The following NOX3 variants were observed in gnomAD, a reference collection of about 807,000 sequenced individuals.
NOX3 encodes the protein NADPH oxidase catalytic subunit-like 3.
In NOX3, 74 loss-of-function variants were observed where a neutral mutation model predicts 76.7. That is an observed-to-expected ratio of 0.96 (90% confidence interval 0.80 to 1.17). NOX3 has a LOEUF of 1.17. Ranked by LOEUF, NOX3 falls within the 50% of genes most tolerant of loss-of-function variation. NOX3 has a pLI of 0.00. For synonymous variants in NOX3, 263 were observed against 261.1 expected, an observed-to-expected ratio of 1.01 and a Z score of -0.07; for missense variants, 695 against 703.3, an observed-to-expected ratio of 0.99 and a Z score of 0.13.
At chr6:155,404,254 C>T (rs1050122607) in intron 12 of NOX3, among the ~76,000 whole-genome samples, 1 of 152,054 alleles carries the variant, frequency 6.6e-6, no homozygotes, top group Non-Finnish European at 1.5e-5. Flanking sequence ...ATGATCTCGT[C>T]TCTCCTCTGG....
intron 3 of NOX3, 102 bp from the exon 4 acceptor site, chr6:155,453,590 T>A (rs1424920173): frequency 1.1e-6 from 1 of 895,644 alleles, no homozygotes; most frequent in Non-Finnish European, 1.9e-6. Flanking sequence ...TCTAAACTGC[T>A]TAAAGTGGGG....
In NOX3 at chr6:155,440,088, A is replaced by C; in HGVS notation, c.536T>G (p.Val179Gly). Residue 179 changes from valine to glycine, a missense_variant, in exon 6 of 14, where the codon GTG (valine) becomes GGG (glycine). Coordinates refer to ENST00000159060, the MANE Select transcript of NOX3 (RefSeq NM_015718.3). ...LRTIAGVTGL[V>G]ISLALVLIMT... ...GATCAAGACTAAAGCCAGAGAGATC[A>C]CCAGACCGGTGACGCCTGCTATTGT... The C allele has an allele frequency of 6.2e-7, 1 of 1,613,868 alleles. No individual in the cohort carries two copies. The highest frequency in any genetic ancestry group is 8.5e-7 in the Non-Finnish European group (1 of 1,179,876).
At chr6:155,426,811 CTTCT>C (rs1178171542) in intron 9 of NOX3, among the ~76,000 whole-genome samples, 2 of 152,036 alleles carry the variant, frequency 1.3e-5, no homozygotes, top group Non-Finnish European at 2.9e-5. Context: ...GTACTGAGTT[CTTCT>C]TGGGGGACTG....
In NOX3 at chr6:155,411,261, G is replaced by A. The variant is rs1162275342; in HGVS notation, c.1408C>T (p.His470Tyr). 4.3e-6 allele frequency: 7 copies of A among 1,613,886 alleles called. No individual in the cohort carries two copies. The highest frequency in any genetic ancestry group is 4.2e-6 in the Non-Finnish European group (5 of 1,179,942). The change falls in exon 11 of 14, where the codon CAC becomes TAC. Residue 470 changes from histidine (H) to tyrosine (Y), a missense_variant. His to Tyr is a moderately conservative substitution (Grantham distance 83). Transcript: ENST00000159060. ...AGAAATATATGATAACTCAGAAAGTGAGTTTTCCCCTGCTCACTCATCCGT... is the reference window on the plus strand; with the variant it reads ...AGAAATATATGATAACTCAGAAAGTAAGTTTTCCCCTGCTCACTCATCCGT... Reference protein sequence around the residue: ...ETRMSEQGKTHFLSYHIFLTG... With the variant: ...ETRMSEQGKTYFLSYHIFLTG...
chr6:155,429,788 A>C (rs1308859821), intron 8 of NOX3, among the ~76,000 whole-genome samples: 2 of 152,228 alleles, frequency 1.3e-5, no homozygotes, highest in Non-Finnish European at 1.5e-5. Flanking sequence ...AAGGGAACAA[A>C]ATCTAGCATC....
chr6:155,442,914 G>T (rs1038990360), intron 5 of NOX3, among the ~76,000 whole-genome samples: 1 of 152,100 alleles, frequency 6.6e-6, no homozygotes, highest in Non-Finnish European at 1.5e-5. Context: ...TGTTTAGCTG[G>T]CACTTCACCT....
At chr6:155,453,200 A>G (rs7753401) in intron 4 of NOX3, among the ~76,000 whole-genome samples, 4,470 of 152,210 alleles carry the variant, frequency 0.029, 208 homozygotes, top group African/African-American at 0.1. Context: ...TCTTTGACCA[A>G]TTGAGGTCTT....
intron 10 of NOX3, among the ~76,000 whole-genome samples, chr6:155,418,574 C>T (rs1375890870): frequency 1.3e-5 from 2 of 150,480 alleles, no homozygotes; most frequent in Non-Finnish European, 3.0e-5. Context: ...TCTTCCCCCT[C>T]CCCTTCCACT....
chr6:155,407,679 C>T (rs1198236297), intron 11 of NOX3, among the ~76,000 whole-genome samples: 1 of 152,162 alleles, frequency 6.6e-6, no homozygotes, highest in Non-Finnish European at 1.5e-5. Flanking sequence ...AAGGGCATTG[C>T]CAGATTAAAG....
chr6:155,407,245 T>G lies in NOX3; in HGVS notation c.1465A>C (p.Ile489Leu), dbSNP rs916081607. 2.5e-6 allele frequency: 4 copies of G among 1,613,422 alleles called. No individual in the cohort carries two copies. The highest frequency in any genetic ancestry group is 3.4e-6 in the Non-Finnish European group (4 of 1,179,748). Residue 489 changes from isoleucine to leucine, a missense_variant, in exon 12 of 14, where the codon ATA (isoleucine) becomes CTA (leucine). Transcript: ENST00000159060. The stretch of plus-strand genomic sequence containing the variant: ...GTATTTTCGTCCCAGTGTAAAGCTA[T>G]GTGAAGAGCCTAAAGTAAATTTGTG... ...TGWDENQALH[I>L]ALHWDENTDV...
rs757824228 is a variant in NOX3, at chr6:155,443,267, A to G, written c.486+6T>C. 6.2e-7 allele frequency: 1 copy of G among 1,610,894 alleles called. No homozygotes were observed. The highest frequency in any genetic ancestry group is 1.1e-5 in the South Asian group (1 of 90,702). On this transcript the variant is annotated splice_donor_region_variant and intron_variant, in intron 5 of 13. Transcript: ENST00000159060. ...GGGAGAAGCTTGTTAGCATGCAGGAACTCACTGTGGGGAAGGTCCGGACAG... is the reference window on the plus strand; with the variant it reads ...GGGAGAAGCTTGTTAGCATGCAGGAGCTCACTGTGGGGAAGGTCCGGACAG...
intron 9 of NOX3, among the ~76,000 whole-genome samples, chr6:155,424,314 A>T (rs1776729181): frequency 6.6e-6 from 1 of 152,180 alleles, no homozygotes; most frequent in Non-Finnish European, 1.5e-5. Context: ...GTCTTTGCTC[A>T]CTGCTGTAAT....
intron 6 of NOX3, 36 bp downstream of exon 6, chr6:155,439,920 A>T: frequency 1.3e-6 from 2 of 1,574,538 alleles, no homozygotes; most frequent in Non-Finnish European, 1.7e-6. Flanking sequence ...ACTCTCAGAG[A>T]TAAAATCCTT....
chr6:155,427,354 G>C (rs1173859969), intron 9 of NOX3, among the ~76,000 whole-genome samples: 1 of 152,102 alleles, frequency 6.6e-6, no homozygotes, highest in Non-Finnish European at 1.5e-5. Context: ...ACAATAAGCT[G>C]ACTACATTTT....
intron 6 of NOX3, among the ~76,000 whole-genome samples, chr6:155,439,504 G>T (rs951350297): frequency 6.6e-6 from 1 of 152,186 alleles, no homozygotes; most frequent in Non-Finnish European, 1.5e-5. Context: ...TGTCAGAGCT[G>T]CTTCTGGACC....
At chr6:155,413,994 C>T (rs1383275914) in intron 10 of NOX3, among the ~76,000 whole-genome samples, 1 of 152,198 alleles carries the variant, frequency 6.6e-6, no homozygotes, top group Non-Finnish European at 1.5e-5. Flanking sequence ...TCCTTCCTTA[C>T]TTTCTCGTGG....
chr6:155,404,681 G>A (rs1776422416), intron 12 of NOX3, among the ~76,000 whole-genome samples: 1 of 152,126 alleles, frequency 6.6e-6, no homozygotes. Context: ...GCTGAATGTG[G>A]GTCAGGAGTA....
At chr6:155,426,826 G>A (rs1469019065) in intron 9 of NOX3, among the ~76,000 whole-genome samples, 1 of 152,126 alleles carries the variant, frequency 6.6e-6, no homozygotes, top group Admixed American at 6.5e-5. Context: ...TGGGGGACTG[G>A]TTGAAATGCT....
intron 13 of NOX3, 136 bp downstream of exon 13, chr6:155,396,673 T>C (rs1356163238): frequency 3.6e-6 from 2 of 550,516 alleles, no homozygotes; most frequent in Non-Finnish European, 6.1e-6. Context: ...TTTGTGGCAA[T>C]GTTGGCACTT....
Sources: allele counts gnomAD v4.1 joint callset (sites outside exome capture counted in the v4.1 genomes callset), GRCh38; gene constraint gnomAD v4.1.1; transcripts MANE v1.5; gene names NCBI Gene and HGNC (gene_info 2026-07-23, HGNC 2026-07-21).